Variants in CDH23 observed in about 807,000 individuals in gnomAD.
CDH23 encodes the protein cadherin related 23, also known as cadherin-23.
Under a neutral mutation model 317.1 loss-of-function variants are expected in CDH23, and 189 were observed. The ratio of observed to expected loss-of-function variants is 0.60; its 90% confidence interval spans 0.53 to 0.67. The LOEUF is 0.67. Among genes scored for constraint, CDH23 ranks in the 30% least tolerant of loss-of-function variants. The probability of loss-of-function intolerance (pLI) is 0.00; values close to 1 mark genes in which losing one functional copy is unlikely to be tolerated. For missense variants in CDH23, 4,401 were observed against 4,592.4 expected (o/e 0.96, Z 1.20); for synonymous variants, 1,839 against 1,876.8 (o/e 0.98, Z 0.52).
chr10:71,803,325 G>A lies in CDH23; in HGVS notation c.7777G>A (p.Gly2593Ser). The A allele has an allele frequency of 2.5e-6, 4 of 1,594,614 alleles. No individual in the cohort carries two copies. The highest frequency in any genetic ancestry group is 3.4e-6 in the Non-Finnish European group (4 of 1,170,736). ...AGATGGTGGAGAGCCCCCACTCTGG[G>A]GCACCACCATGCTCCTGGTGGAGGT... Reference protein sequence around the residue: ...ATDGGEPPLWGTTMLLVEVID... With the variant: ...ATDGGEPPLWSTTMLLVEVID... The change falls in exon 55 of 70, where the codon GGC becomes AGC. Residue 2593 changes from glycine (G) to serine (S), a missense_variant. Transcript: ENST00000224721.
At chr10:71,591,429 C>T (rs1859486749) in intron 9 of CDH23, among the ~76,000 whole-genome samples, 1 of 152,106 alleles carries the variant, frequency 6.6e-6, no homozygotes, top group East Asian at 1.9e-4. Context: ...GGGCTCGTGT[C>T]CCCACTGGAC....
chr10:71,419,308 G>A (rs1429397875), intron 1 of CDH23, among the ~76,000 whole-genome samples: 2 of 152,190 alleles, frequency 1.3e-5, no homozygotes, highest in Non-Finnish European at 1.5e-5. Flanking sequence ...GGGGAATGGA[G>A]CAACATCCCT....
At position 71,739,674 on chromosome 10, in the gene CDH23, G is replaced by T. The variant is rs756674688; in HGVS notation, c.4390G>T (p.Ala1464Ser). 3.7e-5 allele frequency: 60 copies of T among 1,613,008 alleles called. No homozygotes were observed. The Admixed American group carries it at 7.7e-4, about 21-fold the overall frequency. Reference sequence around the variant, plus strand: ...CTTCTCCCTGGCCTCTGGCAACATCGCGGGGGCCTTTGAGATCGTCACCAC... The same window carrying T: ...CTTCTCCCTGGCCTCTGGCAACATCTCGGGGGCCTTTGAGATCGTCACCAC... ...VVFSLASGNI[A>S]GAFEIVTTND... The change falls in exon 36 of 70, where the codon GCG (alanine) becomes TCG (serine). Residue 1464 changes from alanine to serine, a missense_variant. Physicochemically the swap from Ala to Ser is moderately conservative, Grantham distance 99. Around this residue, in one of 3 missense-constraint regions of CDH23, gnomAD observed 3,068 missense variants for 3,203.3 expected, o/e 0.96. Transcript: ENST00000224721.
At chr10:71,541,890 A>G (rs1856008597) in intron 6 of CDH23, among the ~76,000 whole-genome samples, 1 of 152,224 alleles carries the variant, frequency 6.6e-6, no homozygotes, top group African/African-American at 2.4e-5. Flanking sequence ...ATCACAAAAT[A>G]TTATTCTTCT....
chr10:71,778,439 C>T, intron 40 of CDH23, 131 bp downstream of exon 40: 2 of 1,209,586 alleles, frequency 1.7e-6, no homozygotes, highest in Non-Finnish European at 2.3e-6. Context: ...GACCCCTGTC[C>T]TAATCTCAGC....
At chr10:71,536,018 G>A (rs1195551517) in intron 6 of CDH23, among the ~76,000 whole-genome samples, 3 of 152,252 alleles carry the variant, frequency 2.0e-5, no homozygotes, top group South Asian at 2.1e-4. Flanking sequence ...CTGGTTGCCC[G>A]AGATCTGCAT....
At chr10:71,452,843 C>T (rs1850516090) in intron 3 of CDH23, among the ~76,000 whole-genome samples, 1 of 152,214 alleles carries the variant, frequency 6.6e-6, no homozygotes, top group Non-Finnish European at 1.5e-5. Context: ...AGTGCATGGC[C>T]TCCTGTGAGA....
chr10:71,682,966 TTCTC>T (rs148550412), intron 18 of CDH23, among the ~76,000 whole-genome samples: 39 of 149,934 alleles, frequency 2.6e-4, no homozygotes, highest in African/African-American at 9.0e-4. Flanking sequence ...ATCTTCTCCC[TTCTC>T]TCTCTCTCTC....
intron 24 of CDH23, among the ~76,000 whole-genome samples, chr10:71,703,797 G>A (rs1865678911): frequency 6.6e-6 from 1 of 152,212 alleles, no homozygotes; most frequent in Non-Finnish European, 1.5e-5. Flanking sequence ...CGGTCCCCGA[G>A]GAAGCCCCCA....
At position 71,397,864 on chromosome 10, in the gene CDH23, C is replaced by G. The variant is rs917455946; in HGVS notation, c.-6+546C>G. 6.6e-6 allele frequency among the ~76,000 whole-genome samples: 1 copy of G among 152,220 alleles called. No individual in the cohort carries two copies. Among genetic ancestry groups the G allele is most frequent in the African/African-American group, 2.4e-5 (1 of 41,468 alleles). ...AAGTCCCTGTGCCCGCGGGAGACCC[C>G]AGGGGACTTACACATCCTCCCAAAT... is the stretch of plus-strand genomic sequence containing the variant. On this transcript the variant is annotated intron_variant, in intron 1 of 69. Transcript: ENST00000224721. The surrounding 1 kb of genome is among the most constrained non-coding windows in gnomAD (Gnocchi z 4.8).
intron 1 of CDH23, among the ~76,000 whole-genome samples, chr10:71,418,021 T>C (rs1589280388): frequency 6.6e-6 from 1 of 152,380 alleles, no homozygotes; most frequent in African/African-American, 2.4e-5. Flanking sequence ...TATTATATTA[T>C]TCCTTTTGGG....
At chr10:71,497,859 T>C (rs930596251) in intron 3 of CDH23, among the ~76,000 whole-genome samples, 1 of 152,130 alleles carries the variant, frequency 6.6e-6, no homozygotes, top group East Asian at 1.9e-4. Flanking sequence ...AAAATGAGCT[T>C]GTTGGCCATA....
intron 6 of CDH23, among the ~76,000 whole-genome samples, chr10:71,554,794 C>A (rs973669980): frequency 1.2e-4 from 18 of 151,970 alleles, no homozygotes; most frequent in African/African-American, 4.1e-4. Context: ...TTATCTCCAC[C>A]CCAGCTCTCT....
At chr10:71,519,161 C>G (rs543646876) in intron 6 of CDH23, among the ~76,000 whole-genome samples, 1 of 152,192 alleles carries the variant, frequency 6.6e-6, no homozygotes, top group Non-Finnish European at 1.5e-5. Flanking sequence ...GAATACGAAG[C>G]AGGGGGACTG....
chr10:71,455,469 G>C (rs895170649), intron 3 of CDH23, among the ~76,000 whole-genome samples: 3 of 152,078 alleles, frequency 2.0e-5, no homozygotes, highest in Admixed American at 6.5e-5. Flanking sequence ...TAGATAGATA[G>C]GTAGACGGAC....
rs1372344608 is a variant in CDH23 at position 71,814,969 on chromosome 10, G to A, written c.9756G>A (p.Leu3252=). ...TCTTGCAGCTGATACAGACTGAGCT[G>A]GACGAGGAGCCAGGAGACCACAGCC... is the stretch of plus-strand genomic sequence containing the variant. The part of the protein sequence containing the change: ...SSISELIQTE[L]DEEPGDHSPG... The change falls in exon 70 of 70, where the codon CTG becomes CTA. Residue 3252 remains leucine, a synonymous_variant. Transcript: ENST00000224721. The A allele has an allele frequency of 1.4e-5, 23 of 1,611,918 alleles. No individual in the cohort carries two copies. Among genetic ancestry groups the A allele is most frequent in the Non-Finnish European group, 2.0e-5 (23 of 1,179,310 alleles).
chr10:71,812,675 G>A, intron 67 of CDH23, 66 bp downstream of exon 67: 1 of 1,612,404 alleles, frequency 6.2e-7, no homozygotes, highest in Non-Finnish European at 8.5e-7. Flanking sequence ...TGCAACCTCT[G>A]GCCAAGAAGC....
intron 11 of CDH23, among the ~76,000 whole-genome samples, chr10:71,628,063 G>A (rs928813405): frequency 6.6e-6 from 1 of 152,194 alleles, no homozygotes; most frequent in Non-Finnish European, 1.5e-5. Context: ...ACAGTGACAG[G>A]TGTGTCTTGT....
intron 19 of CDH23, among the ~76,000 whole-genome samples, chr10:71,688,674 G>A (rs1865019462): frequency 2.2e-5 from 3 of 133,444 alleles, no homozygotes; most frequent in Admixed American, 7.4e-5. Flanking sequence ...GGTGGAGTCA[G>A]GGGTGGTGGA....
Sources: gnomAD v4.1 joint callset for allele counts (sites outside exome capture counted in the v4.1 genomes callset) on GRCh38, gnomAD v4.1.1 for gene constraint, gnomAD v4.1.1 regional missense constraint, Gnocchi (gnomAD v3.1) non-coding constraint, MANE v1.5 for transcripts, NCBI Gene and HGNC (gene_info 2026-07-23, HGNC 2026-07-21) for gene names.